ORC4: variants seen among roughly 807,000 people sequenced by gnomAD.
The protein encoded by ORC4 is origin recognition complex subunit 4.
Under a neutral mutation model 63.9 loss-of-function variants are expected in ORC4, and 55 were observed. That is an observed-to-expected ratio of 0.86 (90% confidence interval 0.69 to 1.08). The LOEUF is 1.08. ORC4 is among the 50% of genes least tolerant of loss of function. ORC4 has a pLI of 0.00. For missense variants in ORC4, 511 were observed against 504.4 expected (o/e 1.01, Z -0.13); for synonymous variants, 150 against 168.5 (o/e 0.89, Z 0.85).
rs1689375471 is a variant in ORC4, at chr2:147,958,283, T to A, written c.387+15A>T. 1 of 1,508,660 alleles carries A rather than the reference T, an allele frequency of 6.6e-7. No homozygotes were observed. Among genetic ancestry groups the A allele is most frequent in the African/African-American group, 1.4e-5 (1 of 72,822 alleles). The allele number at this position is 1,508,660 out of a possible 1,614,324, so 93.5% of individuals were successfully genotyped here. A position where few individuals can be genotyped will look rare whatever the true frequency, so the allele number is the denominator to read the frequency against. On this transcript the variant is annotated intron_variant, in intron 6 of 13. Coordinates refer to ENST00000392857, the MANE Select transcript of ORC4 (RefSeq NM_181741.4). ...TTAAAAGTCTATTTAATAAAATAAC[T>A]GAAATGATACTTACAAAAACTTTAT... is the stretch of plus-strand genomic sequence containing the variant.
chr2:147,978,019 T>G (rs1034985109), intron 1 of ORC4, among the ~76,000 whole-genome samples: 1 of 152,200 alleles, frequency 6.6e-6, no homozygotes, highest in African/African-American at 2.4e-5. Context: ...TGAGAGGGGC[T>G]GGAGCCACTT....
intron 10 of ORC4, among the ~76,000 whole-genome samples, chr2:147,942,056 G>A (rs1688395192): frequency 6.6e-6 from 1 of 151,970 alleles, no homozygotes; most frequent in Non-Finnish European, 1.5e-5. Context: ...GTGACCTTCG[G>A]CAAGTTACTT....
At chr2:147,938,272 A>G (rs754204192) in intron 12 of ORC4, 26 bp downstream of exon 12, 2 of 1,590,972 alleles carry the variant, frequency 1.3e-6, no homozygotes, top group Non-Finnish European at 1.7e-6. Flanking sequence ...AAGAGTCAGA[A>G]AAAAGCTACT....
At chr2:147,988,212 G>A (rs571260939) in intron 1 of ORC4, among the ~76,000 whole-genome samples, 8 of 152,080 alleles carry the variant, frequency 5.3e-5, no homozygotes, top group African/African-American at 1.2e-4. Context: ...CAACCCAGAC[G>A]CCCTAAGGAA....
intron 1 of ORC4, among the ~76,000 whole-genome samples, chr2:147,994,762 C>T (rs569036011): frequency 1.8e-4 from 28 of 152,348 alleles, no homozygotes; most frequent in Admixed American, 3.9e-4. Context: ...CAGTGGCTCA[C>T]GCCTCTAATC....
intron 1 of ORC4, among the ~76,000 whole-genome samples, chr2:148,007,974 G>A (rs1692730139): frequency 1.3e-5 from 2 of 152,144 alleles, no homozygotes; most frequent in Admixed American, 1.3e-4. Context: ...TTAGGTTGGT[G>A]CACAAGTAAC....
intron 4 of ORC4, among the ~76,000 whole-genome samples, chr2:147,971,019 C>A (rs1169318570): frequency 6.6e-6 from 1 of 151,930 alleles, no homozygotes; most frequent in Non-Finnish European, 1.5e-5. Context: ...TGCTTGCAGT[C>A]CCATGTACTC....
intron 1 of ORC4, among the ~76,000 whole-genome samples, chr2:147,992,454 A>T (rs577478047): frequency 6.6e-6 from 1 of 152,236 alleles, no homozygotes; most frequent in South Asian, 2.1e-4. Context: ...TGGTTGCATT[A>T]TATGGGACAC....
rs969325798 is a variant in ORC4, at chr2:147,932,552, T to A, written c.*2958A>T. The A allele has an allele frequency of 1.3e-5, 2 of 152,170 alleles. No individual in the cohort carries two copies. Among genetic ancestry groups the A allele is most frequent in the African/African-American group, 4.8e-5 (2 of 41,434 alleles). The allele number at this position is 152,170 out of a possible 1,614,324, so 9.4% of individuals were successfully genotyped here. A position where few individuals can be genotyped will look rare whatever the true frequency, so the allele number is the denominator to read the frequency against. ...GGAGTGGTAGCTTTGTAACTTACAG[T>A]GAGGCTTACACCTTGACAACTGCAA... On this transcript the variant is annotated 3_prime_UTR_variant, in exon 14 of 14. Coordinates refer to ENST00000392857, the MANE Select transcript of ORC4 (RefSeq NM_181741.4).
chr2:147,966,267 GA>G (rs1465470957), intron 4 of ORC4, among the ~76,000 whole-genome samples: 2 of 151,630 alleles, frequency 1.3e-5, no homozygotes, highest in East Asian at 3.9e-4. Context: ...CAAAAAACTA[GA>G]AAAATTTCAA....
At chr2:147,958,241 G>T in intron 6 of ORC4, 57 bp downstream of exon 6, 1 of 1,048,646 alleles carries the variant, frequency 9.5e-7, no homozygotes, top group Non-Finnish European at 1.5e-6. Context: ...AAATATACAT[G>T]GTATAAAGAC....
chr2:147,966,517 G>A (rs1689902291), intron 4 of ORC4, among the ~76,000 whole-genome samples: 1 of 151,970 alleles, frequency 6.6e-6, no homozygotes, highest in Non-Finnish European at 1.5e-5. Context: ...AAAGAAAAAG[G>A]AGACATCAAA....
Position 147,935,397 on chromosome 2 carries a change from C to G in ORC4, c.*113G>C. ...CAAGACAGTAGATGGGCAAGTCTCA[C>G]ATAAATACAAGAATGTTTATAGAAT... is the stretch of plus-strand genomic sequence containing the variant. On this transcript the variant is annotated 3_prime_UTR_variant, in exon 14 of 14. Coordinates refer to ENST00000392857, the MANE Select transcript of ORC4 (RefSeq NM_181741.4). The G allele has an allele frequency of 1.2e-6, 1 of 820,110 alleles. No homozygotes were observed. The highest frequency in any genetic ancestry group is 2.1e-6 in the Non-Finnish European group (1 of 486,190). 50.8% of individuals were successfully genotyped at this position (820,110 alleles called of 1,614,324 possible). A position where few individuals can be genotyped will look rare whatever the true frequency, so the allele number is the denominator to read the frequency against.
intron 4 of ORC4, among the ~76,000 whole-genome samples, chr2:147,964,336 AAC>A (rs1179998381): frequency 6.6e-6 from 1 of 152,198 alleles, no homozygotes; most frequent in African/African-American, 2.4e-5. Context: ...GACCTTCAAT[AAC>A]AGACTACATC....
At chr2:147,947,084 A>G (rs940973727) in intron 9 of ORC4, among the ~76,000 whole-genome samples, 10 of 152,060 alleles carry the variant, frequency 6.6e-5, no homozygotes, top group African/African-American at 2.4e-4. Context: ...TAGTATTAGT[A>G]TTTAAAAATT....
rs369170149 is a variant in ORC4 at position 147,975,903 on chromosome 2, T to C, written c.56A>G (p.Gln19Arg). The C allele has an allele frequency of 2.6e-6, 4 of 1,534,976 alleles. No homozygotes were observed. The African/African-American group carries it at 5.4e-5, about 21-fold the overall frequency. The change falls in exon 2 of 14, where the codon CAG (glutamine) becomes CGG (arginine). Residue 19 changes from glutamine to arginine, a missense_variant and splice_region_variant. By Grantham distance (43) the Gln-to-Arg change is conservative. Coordinates refer to ENST00000392857, the MANE Select transcript of ORC4 (RefSeq NM_181741.4). ...NSLIHTECLS[Q>R]VQRILRERFC... ...AGATTAATGAAAATACATACTAACC[T>C]GTGAAAGGCACTCTGTGTGAATTAA...
chr2:147,969,999 G>A (rs1448057453), intron 4 of ORC4, among the ~76,000 whole-genome samples: 1 of 151,996 alleles, frequency 6.6e-6, no homozygotes, highest in African/African-American at 2.4e-5. Context: ...GAATTGAGAA[G>A]CAATTATAGC....
At chr2:148,007,367 A>G (rs1692697941) in intron 1 of ORC4, among the ~76,000 whole-genome samples, 2 of 152,198 alleles carry the variant, frequency 1.3e-5, no homozygotes, top group Admixed American at 6.5e-5. Context: ...GAGATAAAAA[A>G]TTCAGAATTA....
chr2:147,998,200 G>GA (rs1368556110), intron 1 of ORC4, among the ~76,000 whole-genome samples: 6 of 151,820 alleles, frequency 4.0e-5, no homozygotes, highest in Non-Finnish European at 8.8e-5. Flanking sequence ...AGGAGAAAGT[G>GA]AAAATGTGCA....
Sources: gnomAD v4.1 joint callset for allele counts (sites outside exome capture counted in the v4.1 genomes callset) on GRCh38, gnomAD v4.1.1 for gene constraint, MANE v1.5 for transcripts, NCBI Gene and HGNC (gene_info 2026-07-23, HGNC 2026-07-21) for gene names.